Variants in USP28 observed in about 807,000 individuals in gnomAD.
The protein encoded by USP28 is ubiquitin specific peptidase 28.
In USP28, 113 loss-of-function variants were observed where a neutral mutation model predicts 145.0. The observed-to-expected ratio is 0.78, with a 90% CI of 0.67 to 0.91. The LOEUF (loss-of-function observed/expected upper bound fraction) is 0.91. Ranked by LOEUF, USP28 falls within the 40% of genes least tolerant of loss-of-function variation. The pLI is 0.00. For synonymous variants in USP28, 447 were observed against 450.9 expected (o/e 0.99, Z 0.11); for missense variants, 1,201 against 1,289.6 (o/e 0.93, Z 1.05).
intron 13 of USP28, 57 bp from the exon 14 acceptor site, chr11:113,815,439 A>T: frequency 2.0e-6 from 3 of 1,514,990 alleles, no homozygotes; most frequent in Non-Finnish European, 2.7e-6. Context: ...CCTTGGCCTA[A>T]ATTATGTACT....
At chr11:113,860,882 G>A (rs1354277230) in intron 1 of USP28, among the ~76,000 whole-genome samples, 3 of 151,842 alleles carry the variant, frequency 2.0e-5, no homozygotes, top group Admixed American at 2.0e-4. Flanking sequence ...ACTTTGGGAG[G>A]CCGAGGCAGG....
intron 3 of USP28, among the ~76,000 whole-genome samples, chr11:113,851,871 T>C (rs1946493546): frequency 6.6e-6 from 1 of 151,716 alleles, no homozygotes; most frequent in Non-Finnish European, 1.5e-5. Context: ...TTTTTCTCCA[T>C]GGTATTTATC....
chr11:113,850,309 G>A (rs1046175591), intron 3 of USP28, among the ~76,000 whole-genome samples: 3 of 152,034 alleles, frequency 2.0e-5, no homozygotes, highest in African/African-American at 7.2e-5. Context: ...AATCCGAACA[G>A]CTCACAGCAG....
At chr11:113,799,113 G>A in exon 25 of USP28, 1 of 1,031,318 alleles carries the variant, frequency 9.7e-7, no homozygotes, top group Non-Finnish European at 1.4e-6. Flanking sequence ...CATGCAGCAT[G>A]GTTGGGGTCT....
chr11:113,856,049 A>G (rs1424910415), intron 1 of USP28, among the ~76,000 whole-genome samples: 1 of 152,188 alleles, frequency 6.6e-6, no homozygotes, highest in Non-Finnish European at 1.5e-5. Flanking sequence ...TGTCAACTCC[A>G]GTCATTGCCT....
At chr11:113,815,436 C>G in intron 13 of USP28, 54 bp from the exon 14 acceptor site, 1 of 1,530,364 alleles carries the variant, frequency 6.5e-7, no homozygotes, top group East Asian at 2.3e-5. Context: ...ATACCTTGGC[C>G]TAAATTATGT....
chr11:113,833,634 C>G (rs1944269792), intron 6 of USP28, 77 bp from the exon 7 acceptor site: 23 of 1,431,376 alleles, frequency 1.6e-5, no homozygotes, highest in Non-Finnish European at 2.0e-5. Context: ...AAAAAGTTGT[C>G]AATAATCATG....
intron 12 of USP28, among the ~76,000 whole-genome samples, chr11:113,823,248 C>T (rs911476075): frequency 6.6e-6 from 1 of 152,108 alleles, no homozygotes; most frequent in African/African-American, 2.4e-5. Flanking sequence ...TCAGAAACTG[C>T]TTTTCCAAAA....
intron 19 of USP28, 50 bp from the exon 21 acceptor site, chr11:113,805,096 G>C: frequency 1.3e-6 from 2 of 1,563,434 alleles, no homozygotes; most frequent in Non-Finnish European, 1.7e-6. Flanking sequence ...GTGGGCTTCT[G>C]CACACAGAAA....
chr11:113,866,403 G>A, intron 1 of USP28, among the ~76,000 whole-genome samples: 1 of 152,032 alleles, frequency 6.6e-6, no homozygotes, highest in East Asian at 1.9e-4. Context: ...CTAGCATCTG[G>A]ATGATATAAA....
chr11:113,844,946 A>T (rs547612031), intron 3 of USP28, among the ~76,000 whole-genome samples: 2 of 151,924 alleles, frequency 1.3e-5, no homozygotes, highest in Non-Finnish European at 1.5e-5. Flanking sequence ...CTCTAAAAAA[A>T]ATTCAAAAGA....
intron 12 of USP28, among the ~76,000 whole-genome samples, chr11:113,820,643 C>T (rs184943094): frequency 1.3e-5 from 2 of 152,200 alleles, no homozygotes; most frequent in African/African-American, 4.8e-5. Flanking sequence ...GACATGGAGG[C>T]GCCCTCCTTC....
At chr11:113,807,656 T>C (rs1317208891) in intron 18 of USP28, among the ~76,000 whole-genome samples, 6 of 152,198 alleles carry the variant, frequency 3.9e-5, no homozygotes, top group Non-Finnish European at 7.3e-5. Flanking sequence ...AGGCAATCTT[T>C]TGTCCATAAT....
At position 113,803,417 on chromosome 11, in the gene USP28, T is replaced by G. The variant is rs543607743; in HGVS notation, c.2739-136A>C. 82 of 983,078 alleles carry G rather than the reference T, an allele frequency of 8.3e-5. No individual in the cohort carries two copies. The Middle Eastern group carries it at 3.4e-3, about 41-fold the overall frequency. 60.9% of individuals were successfully genotyped at this position (983,078 alleles called of 1,614,324 possible). On this transcript the variant is annotated intron_variant, in intron 22 of 24. Coordinates refer to ENST00000003302, the Ensembl canonical transcript of USP28. ...GTGAAGGACCAAAGACCGTAGCCAG[T>G]CTCATCTCTTCTACAAATTGGCCTA...
At chr11:113,798,474 C>T (rs1171118485) in exon 25 of USP28, 1 of 151,840 alleles carries the variant, frequency 6.6e-6, no homozygotes, top group African/African-American at 2.4e-5. Flanking sequence ...CCAGCAGTAG[C>T]CCTATTGACT....
intron 1 of USP28, among the ~76,000 whole-genome samples, chr11:113,866,062 C>T (rs1186120929): frequency 6.6e-6 from 1 of 152,156 alleles, no homozygotes; most frequent in Non-Finnish European, 1.5e-5. Flanking sequence ...CTCCGGGAGG[C>T]CAATGTGGAT....
intron 1 of USP28, among the ~76,000 whole-genome samples, chr11:113,873,924 T>C (rs1413618241): frequency 1.7e-5 from 2 of 115,168 alleles, no homozygotes; most frequent in African/African-American, 3.4e-5. Context: ...GGGCGGATCA[T>C]GAGGTCAAGA....
At chr11:113,838,974 G>C (rs1290010149) in intron 5 of USP28, among the ~76,000 whole-genome samples, 2 of 152,162 alleles carry the variant, frequency 1.3e-5, no homozygotes, top group African/African-American at 4.8e-5. Flanking sequence ...TTGCATTGGG[G>C]CTATGTAAGT....
At chr11:113,818,087 G>T in intron 12 of USP28, 1 of 392,656 alleles carries the variant, frequency 2.5e-6, no homozygotes, top group Non-Finnish European at 4.5e-6. Context: ...TCAAAGTCAT[G>T]CCAGTTACAC....
Sources: allele counts gnomAD v4.1 joint callset (sites outside exome capture counted in the v4.1 genomes callset), GRCh38; gene constraint gnomAD v4.1.1; transcripts MANE v1.5; gene names NCBI Gene and HGNC (gene_info 2026-07-23, HGNC 2026-07-21).